PIK3CB: variants seen among roughly 807,000 people sequenced by gnomAD.
The protein encoded by PIK3CB is phosphatidylinositol-4,5-bisphosphate 3-kinase catalytic subunit beta, also known as phosphatidylinositol 4,5-bisphosphate 3-kinase catalytic subunit beta isoform.
Under a neutral mutation model 136.8 loss-of-function variants are expected in PIK3CB, and 39 were observed. The ratio of observed to expected loss-of-function variants is 0.29; its 90% confidence interval spans 0.22 to 0.37. The LOEUF (loss-of-function observed/expected upper bound fraction) is 0.37, where lower values mean the gene tolerates loss of function less well. Ranked by LOEUF, PIK3CB falls within the 10% of genes least tolerant of loss-of-function variation. The probability of loss-of-function intolerance (pLI) is 1.00; values close to 1 mark genes in which losing one functional copy is unlikely to be tolerated. For missense variants in PIK3CB, 868 were observed against 1,275.4 expected, an observed-to-expected ratio of 0.68 and a Z score of 4.87; for synonymous variants, 428 against 436.6, an observed-to-expected ratio of 0.98 and a Z score of 0.25.
chr3:138,726,688 C>T (rs1413726344), intron 8 of PIK3CB, among the ~76,000 whole-genome samples: 1 of 152,136 alleles, frequency 6.6e-6, no homozygotes, highest in South Asian at 2.1e-4. Flanking sequence ...AGACTTTAGG[C>T]AACACTGAGT....
chr3:138,748,548 G>A (rs867470882), intron 4 of PIK3CB, among the ~76,000 whole-genome samples: 3 of 152,184 alleles, frequency 2.0e-5, no homozygotes, highest in Middle Eastern at 6.8e-3. Context: ...ATTTGCTGCA[G>A]TTTTGTGTAT....
intron 4 of PIK3CB, among the ~76,000 whole-genome samples, chr3:138,744,392 C>CAAAAAAAAAAAA (rs60503033): frequency 0.03 from 1,374 of 45,104 alleles, 642 homozygotes; most frequent in Non-Finnish European, 0.041. Context: ...GAGACTCCCC[C>CAAAAAAAAAAAA]AAAAAAAAAA....
At chr3:138,806,875 G>A (rs951120471) in intron 1 of PIK3CB, among the ~76,000 whole-genome samples, 3 of 152,122 alleles carry the variant, frequency 2.0e-5, no homozygotes, top group African/African-American at 7.2e-5. Context: ...TTCTAGGCAG[G>A]GGATAAGAGG....
chr3:138,714,782 T>G, intron 8 of PIK3CB, 63 bp from the exon 9 acceptor site: 13 of 1,357,944 alleles, frequency 9.6e-6, no homozygotes, highest in Non-Finnish European at 1.3e-5. Flanking sequence ...AAAACATCTC[T>G]TTTTGTTTGT....
intron 2 of PIK3CB, among the ~76,000 whole-genome samples, chr3:138,761,702 A>T (rs1488356530): frequency 1.3e-5 from 2 of 152,004 alleles, no homozygotes; most frequent in Non-Finnish European, 2.9e-5. Flanking sequence ...CCTGGGAGGC[A>T]GAGGTTGCAG....
At chr3:138,679,708 A>G (rs2043723718) in intron 19 of PIK3CB, among the ~76,000 whole-genome samples, 1 of 151,088 alleles carries the variant, frequency 6.6e-6, no homozygotes, top group Non-Finnish European at 1.5e-5. Context: ...CTCAGCTCCC[A>G]AGTAGCTGGG....
intron 12 of PIK3CB, among the ~76,000 whole-genome samples, chr3:138,703,826 A>C (rs2044308588): frequency 6.6e-6 from 1 of 152,162 alleles, no homozygotes; most frequent in Non-Finnish European, 1.5e-5. Flanking sequence ...GCGTGGCTAA[A>C]GACTGCACCT....
At chr3:138,690,891 A>G in intron 15 of PIK3CB, 109 bp downstream of exon 15, 2 of 812,618 alleles carry the variant, frequency 2.5e-6, no homozygotes, top group East Asian at 2.5e-5. Context: ...TAAATGTTAT[A>G]AACGGTTCAG....
chr3:138,828,183 CCT>C (rs1491503410), intron 1 of PIK3CB, among the ~76,000 whole-genome samples: 2 of 148,136 alleles, frequency 1.4e-5, no homozygotes, highest in Admixed American at 1.4e-4. Context: ...AATTAAATTT[CCT>C]TTTTTTTTTT....
intron 8 of PIK3CB, among the ~76,000 whole-genome samples, chr3:138,729,792 A>C (rs2044930380): frequency 6.6e-6 from 1 of 152,188 alleles, no homozygotes; most frequent in Non-Finnish European, 1.5e-5. Flanking sequence ...TCTTATAATA[A>C]ATCTTCTATA....
intron 4 of PIK3CB, among the ~76,000 whole-genome samples, chr3:138,747,605 A>C (rs930450849): frequency 1.4e-5 from 2 of 137,940 alleles, no homozygotes; most frequent in African/African-American, 2.5e-5. Flanking sequence ...TGGTTGTCTA[A>C]ATGTCTGTGT....
intron 5 of PIK3CB, 51 bp from the exon 6 acceptor site, chr3:138,737,937 T>C: frequency 9.0e-7 from 1 of 1,113,642 alleles, no homozygotes. Flanking sequence ...ATATTTATGC[T>C]GAAAAATCAC....
At chr3:138,794,028 T>C (rs1016800741) in intron 2 of PIK3CB, among the ~76,000 whole-genome samples, 1 of 152,202 alleles carries the variant, frequency 6.6e-6, no homozygotes, top group African/African-American at 2.4e-5. Flanking sequence ...AATGCCGCGA[T>C]CTCAGCTTAC....
intron 1 of PIK3CB, among the ~76,000 whole-genome samples, chr3:138,815,161 AAAT>A (rs1933258768): frequency 9.5e-6 from 1 of 105,742 alleles, no homozygotes; most frequent in African/African-American, 3.8e-5. Context: ...AAAAAAAAAA[AAAT>A]ATATATATAT....
At chr3:138,695,096 A>G (rs1054862878) in intron 13 of PIK3CB, among the ~76,000 whole-genome samples, 189 bp from the exon 14 acceptor site, 1 of 152,200 alleles carries the variant, frequency 6.6e-6, no homozygotes, top group Non-Finnish European at 1.5e-5. Flanking sequence ...CATTCTATAG[A>G]TTAAGTCTGA....
intron 19 of PIK3CB, among the ~76,000 whole-genome samples, chr3:138,677,742 A>G (rs2043678840): frequency 6.6e-6 from 1 of 152,152 alleles, no homozygotes; most frequent in African/African-American, 2.4e-5. Flanking sequence ...CTAAAACTAC[A>G]AAATTAGCCA....
At chr3:138,751,750 C>T (rs1246353367) in intron 4 of PIK3CB, among the ~76,000 whole-genome samples, 3 of 151,874 alleles carry the variant, frequency 2.0e-5, no homozygotes, top group Non-Finnish European at 4.4e-5. Context: ...GTAGGCAGAT[C>T]GCTTGAGGTC....
intron 13 of PIK3CB, among the ~76,000 whole-genome samples, chr3:138,698,526 G>A (rs1300827127): frequency 2.0e-5 from 3 of 152,172 alleles, no homozygotes; most frequent in Non-Finnish European, 4.4e-5. Flanking sequence ...TGTAATAGAT[G>A]TAATTTTCAA....
In PIK3CB at chr3:138,733,364, T is replaced by C; in HGVS notation, c.1047A>G (p.Val349=). 2 of 1,513,112 alleles carry C rather than the reference T, an allele frequency of 1.3e-6. No individual in the cohort carries two copies. The highest frequency in any genetic ancestry group is 1.2e-5 in the South Asian group (1 of 86,056). The allele number at this position is 1,513,112 out of a possible 1,614,324, so 93.7% of individuals were successfully genotyped here. The change falls in exon 8 of 24, where the codon GTA becomes GTG. Residue 349 remains valine (V), a synonymous_variant. Transcript: ENST00000674063. ...TCAAATCTTAGTGGGTACTCACTTTTACAGTTTCCTCTGTGTTAAGTTTAT... is the reference window on the plus strand; with the variant it reads ...TCAAATCTTAGTGGGTACTCACTTTCACAGTTTCCTCTGTGTTAAGTTTAT... ...KGNKLNTEET[V]KVHVRAGLFH... is the part of the protein sequence containing the mutation.
Sources: gnomAD v4.1 joint callset for allele counts (sites outside exome capture counted in the v4.1 genomes callset) on GRCh38, gnomAD v4.1.1 for gene constraint, MANE v1.5 for transcripts, NCBI Gene and HGNC (gene_info 2026-07-23, HGNC 2026-07-21) for gene names.